Variants in ZMYM2 observed in about 807,000 individuals in gnomAD.
ZMYM2 encodes the protein zinc finger MYM-type containing 2.
A neutral mutation model predicts 162.8 loss-of-function variants in ZMYM2; 56 were observed. That is an observed-to-expected ratio of 0.34 (90% CI 0.28 to 0.43). The LOEUF (loss-of-function observed/expected upper bound fraction) is 0.43. ZMYM2 is among the 20% of genes least tolerant of loss of function. ZMYM2 has a pLI of 1.00. For synonymous variants in ZMYM2, 510 were observed against 541.6 expected (o/e 0.94, Z 0.81); for missense variants, 1,275 against 1,621.8 (o/e 0.79, Z 3.67).
In ZMYM2 at chr13:20,086,777, A is replaced by G. The variant is rs996154585; in HGVS notation, c.*763A>G. On this transcript the variant is annotated 3_prime_UTR_variant, in exon 25 of 25. Transcript: ENST00000610343. ...TATGTATGTATGTGTGTGTGTATAT[A>G]TATATATATATATATATATATAAAT... 10 of 148,450 alleles carry G rather than the reference A, an allele frequency of 6.7e-5. No individual in the cohort carries two copies. The highest frequency in any genetic ancestry group is 1.2e-4 in the African/African-American group (5 of 40,528). The allele number at this position is 148,450 out of a possible 1,614,324, so 9.2% of individuals were successfully genotyped here. A position where few individuals can be genotyped will look rare whatever the true frequency, so the allele number is the denominator to read the frequency against.
chr13:19,978,441 A>T (rs1956984553), intron 2 of ZMYM2, among the ~76,000 whole-genome samples: 1 of 151,410 alleles, frequency 6.6e-6, no homozygotes, highest in South Asian at 2.1e-4. Context: ...TTTGAGACGA[A>T]GTTTTGCTCT....
chr13:19,987,653 GTGTGTA>G (rs1351413595), intron 2 of ZMYM2, among the ~76,000 whole-genome samples: 7 of 149,972 alleles, frequency 4.7e-5, no homozygotes, highest in Middle Eastern at 3.5e-3. Context: ...GTGTGTGTGT[GTGTGTA>G]TAGGAAAGAT....
intron 9 of ZMYM2, among the ~76,000 whole-genome samples, 159 bp from the exon 10 acceptor site, chr13:20,031,160 A>G (rs1953093297): frequency 6.6e-6 from 1 of 152,210 alleles, no homozygotes; most frequent in Non-Finnish European, 1.5e-5. Flanking sequence ...CATATACTAT[A>G]ATTTTTAAGG....
chr13:19,925,644 G>A, the ZMYM2 span, among the ~76,000 whole-genome samples: 2 of 151,898 alleles, frequency 1.3e-5, no homozygotes, highest in East Asian at 2.0e-4. Flanking sequence ...AGGATGAGGC[G>A]GGTGGATCAC....
intron 12 of ZMYM2, among the ~76,000 whole-genome samples, chr13:20,037,373 G>A (rs986546012): frequency 1.3e-4 from 19 of 151,750 alleles, no homozygotes; most frequent in African/African-American, 4.1e-4. Flanking sequence ...GTGCCACCAC[G>A]CCCAGCTAAT....
intron 2 of ZMYM2, chr13:19,965,105 ATACT>A (rs1566166734): frequency 6.8e-6 from 3 of 440,110 alleles, no homozygotes; most frequent in Non-Finnish European, 6.9e-6. Flanking sequence ...AAAAAGAAAA[ATACT>A]TACATAGCTA....
chr13:20,019,445 A>G lies in ZMYM2; in HGVS notation c.1513-102A>G, dbSNP rs891911123. On this transcript the variant is annotated intron_variant, in intron 6 of 24. Coordinates refer to ENST00000610343, the MANE Select transcript of ZMYM2 (RefSeq NM_197968.4). ...AGTTGGAATGAGTTTGTAAGTCACA[A>G]AATATAATTGAGAAGCAACTTTTAC... The G allele has an allele frequency of 7.6e-6, 8 of 1,051,054 alleles. No homozygotes were observed. In the African/African-American group the frequency reaches 1.3e-4, roughly 17 times the overall value. The allele number at this position is 1,051,054 out of a possible 1,614,324, so 65.1% of individuals were successfully genotyped here.
chr13:19,897,187 GTAGGAATGGGAAGAAA>G, the ZMYM2 span, among the ~76,000 whole-genome samples: 1 of 151,936 alleles, frequency 6.6e-6, no homozygotes, highest in Non-Finnish European at 1.5e-5. Flanking sequence ...AAACACAGAA[GTAGGAATGGGAAGAAA>G]TTAGAGACAA....
intron 2 of ZMYM2, among the ~76,000 whole-genome samples, chr13:19,987,490 CATGACCTCGTG>C (rs976670033): frequency 3.9e-5 from 6 of 152,104 alleles, no homozygotes; most frequent in African/African-American, 1.4e-4. Flanking sequence ...GTCTCAAACT[CATGACCTCGTG>C]ATCTGCCCAC....
intron 20 of ZMYM2, 76 bp downstream of exon 20, chr13:20,067,095 A>G (rs959534625): frequency 1.4e-6 from 2 of 1,440,954 alleles, no homozygotes; most frequent in African/African-American, 2.9e-5. Context: ...TTTAAATTTA[A>G]AAAACATAAA....
At position 19,990,925 on chromosome 13, in the gene ZMYM2, GC is replaced by G. The variant is rs553552225; in HGVS notation, c.-10-2132del. 1.7e-4 allele frequency among the ~76,000 whole-genome samples: 26 copies of G among 151,974 alleles called. 2 individuals carry two copies. In the South Asian group the frequency reaches 5.4e-3, roughly 32 times the overall value. Reference sequence around the variant, plus strand: ...TTCTAGTTGGTTCCCCTTGCATTTTGCCCCCCAAGTTTGATCTGTGAGATCA... The same window carrying G: ...TTCTAGTTGGTTCCCCTTGCATTTTGCCCCCAAGTTTGATCTGTGAGATCA... On this transcript the variant is annotated intron_variant, in intron 2 of 24. Coordinates refer to ENST00000610343, the MANE Select transcript of ZMYM2 (RefSeq NM_197968.4).
At chr13:19,934,308 C>T in the ZMYM2 span, among the ~76,000 whole-genome samples, 1 of 151,870 alleles carries the variant, frequency 6.6e-6, no homozygotes, top group Non-Finnish European at 1.5e-5. Flanking sequence ...CTACAGGCAT[C>T]CACCACCATG....
the ZMYM2 span, among the ~76,000 whole-genome samples, chr13:19,887,495 C>G: frequency 2.0e-5 from 3 of 150,850 alleles, no homozygotes; most frequent in South Asian, 6.3e-4. Context: ...TGCCACTGCA[C>G]TCCAGCCTGG....
chr13:19,875,411 C>T, the ZMYM2 span, among the ~76,000 whole-genome samples: 10 of 151,974 alleles, frequency 6.6e-5, no homozygotes, highest in Non-Finnish European at 8.8e-5. Flanking sequence ...AGGCAGATCA[C>T]GAGGTCAAGA....
Position 20,006,411 on chromosome 13 carries a change from A to C in ZMYM2, c.1337A>C (p.Lys446Thr). Residue 446 changes from lysine (K) to threonine (T), a missense_variant, in exon 6 of 25, where the codon AAG becomes ACG. Around this residue, in one of 10 missense-constraint regions of ZMYM2, gnomAD observed 276 missense variants for 311.8 expected, o/e 0.89. Coordinates refer to ENST00000610343, the MANE Select transcript of ZMYM2 (RefSeq NM_197968.4). ...GTCAGCTTTAAAAATATGACTCATAAGCTGTGCAGTGACCACTGCTTTAAT... is the reference window on the plus strand; with the variant it reads ...GTCAGCTTTAAAAATATGACTCATACGCTGTGCAGTGACCACTGCTTTAAT... The part of the protein sequence containing the change: ...HEVSFKNMTH[K>T]LCSDHCFNRY... 6.2e-7 allele frequency: 1 copy of C among 1,602,648 alleles called. No homozygotes were observed.
At chr13:19,949,844 G>A in the ZMYM2 span, among the ~76,000 whole-genome samples, 7 of 142,088 alleles carry the variant, frequency 4.9e-5, no homozygotes, top group Admixed American at 7.5e-5. Flanking sequence ...TCGAGATCAC[G>A]CCACTGCACT....
Position 20,082,846 on chromosome 13 carries a change from C to T in ZMYM2, c.3634C>T (p.Pro1212Ser). 1 of 1,613,788 alleles carries T rather than the reference C, an allele frequency of 6.2e-7. No individual in the cohort carries two copies. The highest frequency in any genetic ancestry group is 8.5e-7 in the Non-Finnish European group (1 of 1,179,780). The change falls in exon 23 of 25, where the codon CCA becomes TCA. Residue 1212 changes from proline to serine, a missense_variant. Physicochemically the swap from Pro to Ser is moderately conservative, Grantham distance 74. Around this residue, in one of 10 missense-constraint regions of ZMYM2, gnomAD observed 103 missense variants for 192.2 expected, o/e 0.54. Transcript: ENST00000610343. ...GATAAAACAACTAGGATCACACTCT[C>T]CAGTAGCTCTTCTGAATACACTGTT... ...WRIKQLGSHS[P>S]VALLNTLFYF...
At chr13:20,020,504 G>A (rs1008825991) in intron 7 of ZMYM2, among the ~76,000 whole-genome samples, 1 of 152,112 alleles carries the variant, frequency 6.6e-6, no homozygotes, top group Non-Finnish European at 1.5e-5. Context: ...CGTTACAGGC[G>A]TGAGCCACCG....
At chr13:19,888,265 C>T in the ZMYM2 span, among the ~76,000 whole-genome samples, 152 of 151,878 alleles carry the variant, frequency 1.0e-3, no homozygotes, top group Non-Finnish European at 1.8e-3. Context: ...CACAACTCAC[C>T]GCAGTCTCGA....
Sources: gnomAD v4.1 joint callset for allele counts (sites outside exome capture counted in the v4.1 genomes callset) on GRCh38, gnomAD v4.1.1 for gene constraint, gnomAD v4.1.1 regional missense constraint, MANE v1.5 for transcripts, NCBI Gene and HGNC (gene_info 2026-07-23, HGNC 2026-07-21) for gene names.